GNG7: variants seen among roughly 807,000 people sequenced by gnomAD.
The protein encoded by GNG7 is G protein subunit gamma 7.
In GNG7, 1 loss-of-function variant was observed where a neutral mutation model predicts 4.0. The ratio of observed to expected loss-of-function variants is 0.25; its 90% CI spans 0.09 to 1.18. GNG7 has a LOEUF of 1.18. GNG7 is among the 50% of genes most tolerant of loss of function. The probability of loss-of-function intolerance (pLI) is 0.50; values close to 1 mark genes in which losing one functional copy is unlikely to be tolerated. For synonymous variants in GNG7, 34 were observed against 36.9 expected, an observed-to-expected ratio of 0.92 and a Z score of 0.29; for missense variants, 86 against 91.9, an observed-to-expected ratio of 0.94 and a Z score of 0.26.
At chr19:2,589,188 A>G (rs1980764253) in intron 2 of GNG7, among the ~76,000 whole-genome samples, 1 of 150,012 alleles carries the variant, frequency 6.7e-6, no homozygotes, top group Non-Finnish European at 1.5e-5. Context: ...TCAGCCTCCC[A>G]AAGTGCTGGG....
intron 3 of GNG7, among the ~76,000 whole-genome samples, chr19:2,522,698 G>A (rs1185673185): frequency 2.4e-5 from 3 of 126,336 alleles, no homozygotes; most frequent in Non-Finnish European, 4.8e-5. Context: ...CTTGCAGTGA[G>A]CAGAGATCAC....
chr19:2,604,440 C>A (rs988177245), intron 2 of GNG7, among the ~76,000 whole-genome samples: 1 of 140,520 alleles, frequency 7.1e-6, no homozygotes, highest in African/African-American at 2.8e-5. Flanking sequence ...CACTGCACTC[C>A]AGCCTGGGCA....
chr19:2,552,042 T>C (rs1007502305), intron 3 of GNG7, among the ~76,000 whole-genome samples: 1 of 152,180 alleles, frequency 6.6e-6, no homozygotes, highest in African/African-American at 2.4e-5. Context: ...CTCCGCCTCC[T>C]GTCCCATCAG....
intron 1 of GNG7, among the ~76,000 whole-genome samples, chr19:2,655,310 G>A (rs1392654308): frequency 2.0e-5 from 3 of 152,036 alleles, no homozygotes; most frequent in Non-Finnish European, 4.4e-5. Context: ...CAGCCAACAG[G>A]ATTATGAAAA....
rs1321891076 is a variant in GNG7 at position 2,513,518 on chromosome 19, C to A, written c.*1504G>T. On this transcript the variant is annotated 3_prime_UTR_variant, in exon 5 of 5. Transcript: ENST00000382159. ...ACGCAGTCATCTTTCAGAAGCCTCC[C>A]CCCGACCCCATGACATCTTCGATTT... 1.0e-6 allele frequency: 1 copy of A among 985,630 alleles called. No individual in the cohort carries two copies. 61.1% of individuals were successfully genotyped at this position (985,630 alleles called of 1,614,324 possible).
chr19:2,525,971 A>AT (rs35639922), intron 3 of GNG7, among the ~76,000 whole-genome samples: 1,506 of 75,662 alleles, frequency 0.02, 152 homozygotes, highest in African/African-American at 0.058. Context: ...CTCCACGCCA[A>AT]TTTTTTTTTT....
intron 2 of GNG7, among the ~76,000 whole-genome samples, chr19:2,567,150 A>T (rs1411946567): frequency 7.1e-6 from 1 of 141,332 alleles, no homozygotes; most frequent in Admixed American, 6.9e-5. Context: ...AAACAAAAAA[A>T]AAAACACAAA....
chr19:2,536,458 G>A (rs1442639823), intron 3 of GNG7, among the ~76,000 whole-genome samples: 1 of 151,916 alleles, frequency 6.6e-6, no homozygotes, highest in Non-Finnish European at 1.5e-5. Context: ...AAGGGCCTCA[G>A]CTTGCTGTTT....
At chr19:2,656,633 T>C (rs1982982953) in intron 1 of GNG7, among the ~76,000 whole-genome samples, 1 of 152,078 alleles carries the variant, frequency 6.6e-6, no homozygotes, top group South Asian at 2.1e-4. Flanking sequence ...AGACCAGAGG[T>C]TGGTAAACTC....
intron 3 of GNG7, among the ~76,000 whole-genome samples, chr19:2,529,055 G>T (rs1295042836): frequency 2.6e-5 from 4 of 152,218 alleles, no homozygotes; most frequent in Non-Finnish European, 4.4e-5. Context: ...TGAGGCTGGG[G>T]TGCAGCAGGG....
intron 2 of GNG7, among the ~76,000 whole-genome samples, chr19:2,619,934 AG>A (rs142532665): frequency 0.031 from 4,632 of 151,250 alleles, 236 homozygotes; most frequent in African/African-American, 0.11. Flanking sequence ...ATCTCAATAA[AG>A]CTAATCCTAG....
intron 2 of GNG7, among the ~76,000 whole-genome samples, chr19:2,563,649 T>C (rs1979814875): frequency 6.6e-6 from 1 of 152,118 alleles, no homozygotes; most frequent in Non-Finnish European, 1.5e-5. Context: ...GCCTGGCTAA[T>C]TTTGGAATTT....
intron 3 of GNG7, among the ~76,000 whole-genome samples, chr19:2,524,769 T>G (rs1453673274): frequency 6.6e-6 from 1 of 152,080 alleles, no homozygotes; most frequent in African/African-American, 2.4e-5. Flanking sequence ...GCACTGCATG[T>G]GCGTGTGCGC....
At chr19:2,518,908 G>T (rs1978294547) in intron 4 of GNG7, among the ~76,000 whole-genome samples, 1 of 151,970 alleles carries the variant, frequency 6.6e-6, no homozygotes, top group Non-Finnish European at 1.5e-5. Flanking sequence ...CTATTCTCCT[G>T]ACTCAGTCTC....
intron 3 of GNG7, among the ~76,000 whole-genome samples, chr19:2,529,323 T>A (rs1236260566): frequency 2.0e-5 from 3 of 152,312 alleles, no homozygotes; most frequent in African/African-American, 7.2e-5. Flanking sequence ...TTCAAGCGAT[T>A]CTCTTGCCTC....
intron 2 of GNG7, among the ~76,000 whole-genome samples, chr19:2,607,576 AAAAG>A (rs1022934896): frequency 1.5e-4 from 11 of 72,730 alleles, no homozygotes; most frequent in Non-Finnish European, 3.1e-4. Context: ...AAAAAAAAAA[AAAAG>A]AAAGAAAGAA....
intron 1 of GNG7, among the ~76,000 whole-genome samples, chr19:2,691,510 C>A (rs1913134988): frequency 6.6e-6 from 1 of 151,940 alleles, no homozygotes; most frequent in East Asian, 1.9e-4. Flanking sequence ...CATCACTACA[C>A]TCCGGCCTGG....
intron 2 of GNG7, among the ~76,000 whole-genome samples, chr19:2,576,608 G>A (rs904915521): frequency 6.6e-6 from 1 of 152,146 alleles, no homozygotes; most frequent in Non-Finnish European, 1.5e-5. Context: ...GTGCAGGGGT[G>A]CAATCACAGC....
intron 1 of GNG7, among the ~76,000 whole-genome samples, chr19:2,686,191 G>A (rs1361539529): frequency 2.7e-5 from 4 of 149,428 alleles, no homozygotes; most frequent in Admixed American, 1.3e-4. Flanking sequence ...AGAGTCTCAC[G>A]CTGTCGCCCA....
Sources: allele counts gnomAD v4.1 joint callset (sites outside exome capture counted in the v4.1 genomes callset), GRCh38; gene constraint gnomAD v4.1.1; transcripts MANE v1.5; gene names NCBI Gene and HGNC (gene_info 2026-07-23, HGNC 2026-07-21).